Variants in SMG6 observed in about 807,000 individuals in gnomAD.
SMG6 encodes SMG6 nonsense mediated mRNA decay factor.
Under a neutral mutation model 142.2 loss-of-function variants are expected in SMG6, and 66 were observed. That is an observed-to-expected ratio of 0.46 (90% CI 0.38 to 0.57). The LOEUF is 0.57. Ranked by LOEUF, SMG6 falls within the 20% of genes least tolerant of loss-of-function variation. The pLI is 0.00. For missense variants in SMG6, 1,793 were observed against 1,832.0 expected (o/e 0.98, Z 0.39); for synonymous variants, 779 against 702.4 (o/e 1.11, Z -1.72).
rs950054726 is a variant in SMG6 at position 2,303,507 on chromosome 17, A to G, written c.88+126T>C. The G allele has an allele frequency of 3.1e-5, 41 of 1,328,880 alleles. No individual in the cohort carries two copies. The Admixed American group carries it at 1.6e-3, about 51-fold the overall frequency. 82.3% of individuals were successfully genotyped at this position (1,328,880 alleles called of 1,614,324 possible). ...GGCAGCGAGGGTCCGCCGCGGCCCC[A>G]GCGCCTACTGCTGGGGGAAGGGGCG... On this transcript the variant is annotated intron_variant, in intron 1 of 18. Transcript: ENST00000263073.
At position 2,061,370 on chromosome 17, in the gene SMG6, A is replaced by G; in HGVS notation, c.*122T>C. ...GCATGGCCGTGGCGTGGGTTGGAAG[A>G]GGATGGTTTATTGTCTGGGTGGATT... is the stretch of plus-strand genomic sequence containing the variant. On this transcript the variant is annotated 3_prime_UTR_variant, in exon 19 of 19. Coordinates refer to ENST00000263073, the MANE Select transcript of SMG6 (RefSeq NM_017575.5). 1.0e-6 allele frequency: 1 copy of G among 976,132 alleles called. No individual in the cohort carries two copies. Among genetic ancestry groups the G allele is most frequent in the Non-Finnish European group, 1.5e-6 (1 of 667,960 alleles). The allele number at this position is 976,132 out of a possible 1,614,324, so 60.5% of individuals were successfully genotyped here. A position where few individuals can be genotyped will look rare whatever the true frequency, so the allele number is the denominator to read the frequency against.
Position 2,081,941 on chromosome 17 carries a change from T to A in SMG6, c.3550A>T (p.Ile1184Phe). 6.2e-7 allele frequency: 1 copy of A among 1,614,148 alleles called. No individual in the cohort carries two copies. Among genetic ancestry groups the A allele is most frequent in the Non-Finnish European group, 8.5e-7 (1 of 1,180,030 alleles). ...RLEDEEEDVV[I>F]EDFEEDSEAE... ...TCTGAATCTTCCTCAAAGTCTTCAA[T>A]CACCACATCCTCCTCCTTTGGGTGG... The change falls in exon 15 of 19, where the codon ATT becomes TTT. Residue 1184 changes from isoleucine to phenylalanine, a missense_variant. This residue lies in a region of SMG6 where 1,597 missense variants were observed against 1,584.6 expected (regional missense o/e 1.01). Coordinates refer to ENST00000263073, the MANE Select transcript of SMG6 (RefSeq NM_017575.5).
chr17:2,288,807 C>T (rs922087994), intron 6 of SMG6, among the ~76,000 whole-genome samples: 2 of 149,856 alleles, frequency 1.3e-5, no homozygotes, highest in South Asian at 4.3e-4. Context: ...CAGCCAGGCG[C>T]GGTGGCTCAC....
chr17:2,189,219 C>A (rs555348146), intron 10 of SMG6, among the ~76,000 whole-genome samples: 2 of 152,208 alleles, frequency 1.3e-5, no homozygotes, highest in Non-Finnish European at 2.9e-5. Context: ...TACCCTCTTC[C>A]CGTCACTTTT....
At chr17:2,065,823 G>A (rs537355657) in intron 16 of SMG6, 144 bp from the exon 17 acceptor site, 15 of 695,566 alleles carry the variant, frequency 2.2e-5, no homozygotes, top group South Asian at 5.4e-5. Flanking sequence ...AACTAGGGCC[G>A]GAGGGGAGCT....
At chr17:2,191,597 C>T (rs965072528) in intron 10 of SMG6, among the ~76,000 whole-genome samples, 2 of 152,138 alleles carry the variant, frequency 1.3e-5, no homozygotes, top group African/African-American at 2.4e-5. Context: ...TTAAGGGTTT[C>T]GGGTAAGGGT....
intron 13 of SMG6, among the ~76,000 whole-genome samples, chr17:2,102,500 G>A (rs1467132645): frequency 6.6e-6 from 1 of 150,766 alleles, no homozygotes; most frequent in Non-Finnish European, 1.5e-5. Context: ...GGGACTACAG[G>A]CGTGGACCAC....
intron 13 of SMG6, among the ~76,000 whole-genome samples, chr17:2,113,872 A>G (rs2069417385): frequency 6.6e-6 from 1 of 152,238 alleles, no homozygotes; most frequent in Non-Finnish European, 1.5e-5. Context: ...CCATGCATAT[A>G]AACCCATGAA....
intron 9 of SMG6, among the ~76,000 whole-genome samples, chr17:2,243,163 C>A (rs921903335): frequency 6.6e-6 from 1 of 152,136 alleles, no homozygotes; most frequent in Non-Finnish European, 1.5e-5. Flanking sequence ...TCTACTGGTA[C>A]CTTGTCCAAT....
rs938112521 is a variant in SMG6, at chr17:2,292,788, C to T, written c.2258+83G>A. ...GGGACCAATAGGGACACCTGTACAA[C>T]ACCCACATGGCCTACTGCTCTTAGT... On this transcript the variant is annotated intron_variant, in intron 5 of 18. Transcript: ENST00000263073. The T allele has an allele frequency of 5.0e-6, 7 of 1,408,472 alleles. No individual in the cohort carries two copies. In the African/African-American group the frequency reaches 8.5e-5, roughly 17 times the overall value. 87.2% of individuals were successfully genotyped at this position (1,408,472 alleles called of 1,614,324 possible).
chr17:2,299,140 A>G lies in SMG6; in HGVS notation c.1613T>C (p.Val538Ala), dbSNP rs760779392. The G allele has an allele frequency of 1.2e-5, 20 of 1,613,318 alleles. No homozygotes were observed. The South Asian group carries it at 2.2e-4, about 18-fold the overall frequency. ...GCCTGGGTAGTAAGGCCCTGGGTAC[A>G]CACCATTCGTAGGGCCCACTGGGTA... ...LQYPVGPTNG[V>A]YPGPYYPGYP... The change falls in exon 2 of 19, where the codon GTG becomes GCG. Residue 538 changes from valine (V) to alanine (A), a missense_variant. Val to Ala is a moderately conservative substitution (Grantham distance 64). Coordinates refer to ENST00000263073, the MANE Select transcript of SMG6 (RefSeq NM_017575.5). The surrounding 1 kb of genome is among the most constrained non-coding windows in gnomAD (Gnocchi z 4.3).
rs749335967 is a variant in SMG6, at chr17:2,297,263, T to C, written c.2131A>G (p.Ser711Gly). 6.2e-7 allele frequency: 1 copy of C among 1,607,116 alleles called. No individual in the cohort carries two copies. The highest frequency in any genetic ancestry group is 1.3e-5 in the African/African-American group (1 of 74,478). ...CTTACTGTCTTGCGTAATGGCTTGC[T>C]GCGAATGGCAAGACCATCCATGTAG... ...EDYMDGLAIR[S>G]KPLRKTVKYA... is the part of the protein sequence containing the mutation. The change falls in exon 4 of 19, where the codon AGC becomes GGC. Residue 711 changes from serine to glycine, a missense_variant. Physicochemically the swap from Ser to Gly is moderately conservative, Grantham distance 56 (BLOSUM62 0). Transcript: ENST00000263073.
intron 9 of SMG6, among the ~76,000 whole-genome samples, chr17:2,239,455 G>A (rs1043600599): frequency 6.6e-6 from 1 of 152,172 alleles, no homozygotes; most frequent in Non-Finnish European, 1.5e-5. Context: ...AGATGATTAA[G>A]ATGGAACATG....
At chr17:2,231,468 C>T (rs1202079067) in intron 10 of SMG6, among the ~76,000 whole-genome samples, 1 of 152,128 alleles carries the variant, frequency 6.6e-6, no homozygotes, top group Non-Finnish European at 1.5e-5. Flanking sequence ...GAGGCCGAGG[C>T]GGACGGATCA....
Position 2,297,361 on chromosome 17 carries a change from A to C in SMG6, c.2041-8T>G, listed in dbSNP as rs1567759520. 1 of 1,582,716 alleles carries C rather than the reference A, an allele frequency of 6.3e-7. No homozygotes were observed. Among genetic ancestry groups the C allele is most frequent in the East Asian group, 2.2e-5 (1 of 44,640 alleles). On this transcript the variant is annotated splice_polypyrimidine_tract_variant and splice_region_variant and intron_variant, in intron 3 of 18. Transcript: ENST00000263073. ...ATCAAAGAAGTCACTACCCTATAAA[A>C]AGAAAAAAAGAAATGACTGAATCAA...
intron 13 of SMG6, among the ~76,000 whole-genome samples, chr17:2,135,924 C>A (rs2070280308): frequency 1.0e-5 from 1 of 98,454 alleles, no homozygotes; most frequent in Non-Finnish European, 2.0e-5. Flanking sequence ...TGGACTCAAT[C>A]CTCCCACACT....
chr17:2,253,734 A>G (rs970001128), intron 8 of SMG6, among the ~76,000 whole-genome samples: 6 of 152,224 alleles, frequency 3.9e-5, no homozygotes, highest in African/African-American at 1.4e-4. Context: ...CTAAGTAAAT[A>G]TAACTTTTCT....
intron 13 of SMG6, among the ~76,000 whole-genome samples, chr17:2,149,952 G>C (rs866574868): frequency 2.6e-5 from 4 of 152,196 alleles, no homozygotes; most frequent in African/African-American, 9.7e-5. Context: ...CAGTTTAGCA[G>C]GAGGGCTAGA....
chr17:2,068,005 G>A lies in SMG6; in HGVS notation c.3835+773C>T, dbSNP rs1477844224. Among the ~76,000 whole-genome samples the A allele has an allele frequency of 1.3e-5, 2 of 152,144 alleles. No individual in the cohort carries two copies. Among genetic ancestry groups the A allele is most frequent in the Admixed American group, 1.3e-4 (2 of 15,280 alleles). ...GCCTGGGCCTCCCAATCATCTCCTA[G>A]ACTCTCTCCCTCCACAGAGGCCATC... On this transcript the variant is annotated intron_variant, in intron 16 of 18. Transcript: ENST00000263073. The surrounding 1 kb of genome is among the most constrained non-coding windows in gnomAD (Gnocchi z 6.7).
Sources: gnomAD v4.1 joint callset for allele counts (sites outside exome capture counted in the v4.1 genomes callset) on GRCh38, gnomAD v4.1.1 for gene constraint, gnomAD v4.1.1 regional missense constraint, Gnocchi (gnomAD v3.1) non-coding constraint, MANE v1.5 for transcripts, NCBI Gene and HGNC (gene_info 2026-07-23, HGNC 2026-07-21) for gene names.